The following MAN1A1 variants were observed in gnomAD, a reference collection of about 807,000 sequenced individuals.
MAN1A1 encodes the protein mannosyl-oligosaccharide 1,2-alpha-mannosidase IA.
MAN1A1 carries 29 observed loss-of-function variants against 70.8 expected under a neutral mutation model. The ratio of observed to expected loss-of-function variants is 0.41; its 90% CI spans 0.31 to 0.56. MAN1A1 has a LOEUF of 0.56. Among genes scored for constraint, MAN1A1 ranks in the 20% least tolerant of loss-of-function variants. The pLI, the probability that MAN1A1 is intolerant of heterozygous loss-of-function variation, is 0.29. For synonymous variants in MAN1A1, 349 were observed against 330.1 expected (o/e 1.06, Z -0.62); for missense variants, 747 against 841.3 (o/e 0.89, Z 1.39).
chr6:119,305,723 C>T (rs1772508600), intron 3 of MAN1A1, among the ~76,000 whole-genome samples: 1 of 152,154 alleles, frequency 6.6e-6, no homozygotes, highest in Admixed American at 6.5e-5. Flanking sequence ...CCACCTGGCG[C>T]ATTGATAAAT....
At chr6:119,326,112 T>C (rs1773140634) in intron 2 of MAN1A1, among the ~76,000 whole-genome samples, 1 of 152,158 alleles carries the variant, frequency 6.6e-6, no homozygotes, top group African/African-American at 2.4e-5. Context: ...TCAGGGGCCG[T>C]AGATAGGTGA....
At chr6:119,213,207 A>G (rs1023836505) in intron 6 of MAN1A1, among the ~76,000 whole-genome samples, 2 of 152,250 alleles carry the variant, frequency 1.3e-5, no homozygotes, top group Non-Finnish European at 2.9e-5. Context: ...TTATGAAAGA[A>G]GTAATGCACA....
chr6:119,232,761 T>C (rs1464749318), intron 6 of MAN1A1, among the ~76,000 whole-genome samples: 3 of 151,302 alleles, frequency 2.0e-5, no homozygotes, highest in Non-Finnish European at 2.9e-5. Context: ...TACAGAAGCA[T>C]AAGGCACTAA....
At chr6:119,289,640 G>T (rs1316430173) in intron 5 of MAN1A1, among the ~76,000 whole-genome samples, 5 of 151,866 alleles carry the variant, frequency 3.3e-5, no homozygotes, top group Non-Finnish European at 7.4e-5. Flanking sequence ...GAGAGATATA[G>T]ATGAATACAG....
chr6:119,210,878 A>T, intron 6 of MAN1A1: 1 of 455,698 alleles, frequency 2.2e-6, no homozygotes. Context: ...TGGGCCAATG[A>T]TATCCCACCT....
chr6:119,208,940 C>CA (rs764463527), intron 6 of MAN1A1, among the ~76,000 whole-genome samples: 2 of 151,772 alleles, frequency 1.3e-5, no homozygotes, highest in Non-Finnish European at 2.9e-5. Context: ...ACAAAAAATA[C>CA]AAAAATTAGC....
At position 119,349,292 on chromosome 6, in the gene MAN1A1, G is replaced by A; in HGVS notation, c.-222-5C>T. ...ACAGACCGCTGGCTGCAGCCCCTGC[G>A]GGGAGAGAAACAGTAAAACGTAGTA... On this transcript the variant is annotated splice_region_variant and splice_polypyrimidine_tract_variant and intron_variant, in intron 1 of 12. Transcript: ENST00000368468. 3.3e-6 allele frequency: 4 copies of A among 1,205,676 alleles called. No individual in the cohort carries two copies. Among genetic ancestry groups the A allele is most frequent in the Non-Finnish European group, 4.1e-6 (4 of 971,736 alleles). 74.7% of individuals were successfully genotyped at this position (1,205,676 alleles called of 1,614,324 possible).
intron 2 of MAN1A1, among the ~76,000 whole-genome samples, chr6:119,334,483 CT>C (rs1773402323): frequency 6.9e-6 from 1 of 145,842 alleles, no homozygotes; most frequent in Non-Finnish European, 1.5e-5. Flanking sequence ...CCAAAATGTT[CT>C]TCTGAAAATC....
intron 8 of MAN1A1, among the ~76,000 whole-genome samples, chr6:119,197,612 G>A (rs1773605285): frequency 6.6e-6 from 1 of 152,174 alleles, no homozygotes; most frequent in Non-Finnish European, 1.5e-5. Flanking sequence ...GATCCTGGAA[G>A]AAATGGCAAT....
chr6:119,199,001 A>G (rs1170748660), intron 8 of MAN1A1, among the ~76,000 whole-genome samples: 1 of 152,234 alleles, frequency 6.6e-6, no homozygotes, highest in Non-Finnish European at 1.5e-5. Context: ...TCTATCTTGT[A>G]CTTTACACAG....
chr6:119,271,131 G>A (rs1775912223), intron 5 of MAN1A1, among the ~76,000 whole-genome samples: 1 of 152,108 alleles, frequency 6.6e-6, no homozygotes, highest in Non-Finnish European at 1.5e-5. Flanking sequence ...ACATTTCACT[G>A]GAAGGAGTCA....
chr6:119,181,611 C>G (rs552487888), intron 11 of MAN1A1, among the ~76,000 whole-genome samples: 102 of 152,240 alleles, frequency 6.7e-4, no homozygotes, highest in Non-Finnish European at 1.2e-3. Flanking sequence ...TAGGTAACAA[C>G]CTAAACCAAC....
intron 6 of MAN1A1, among the ~76,000 whole-genome samples, chr6:119,221,429 T>C (rs1410031172): frequency 9.7e-6 from 1 of 102,666 alleles, no homozygotes; most frequent in East Asian, 4.4e-4. Context: ...TAAACACATA[T>C]TCTTGTTTTG....
chr6:119,204,288 T>C (rs978951309), intron 7 of MAN1A1, among the ~76,000 whole-genome samples: 4 of 152,138 alleles, frequency 2.6e-5, no homozygotes, highest in African/African-American at 9.7e-5. Flanking sequence ...GCAATTTTAC[T>C]GTAAAGGGAA....
chr6:119,187,662 T>G (rs943712694), intron 11 of MAN1A1, among the ~76,000 whole-genome samples: 1 of 152,084 alleles, frequency 6.6e-6, no homozygotes. Flanking sequence ...AGAATGAGAG[T>G]GTAATTAAAG....
chr6:119,338,222 G>A (rs1171666791), intron 2 of MAN1A1, among the ~76,000 whole-genome samples: 1 of 151,926 alleles, frequency 6.6e-6, no homozygotes, highest in Non-Finnish European at 1.5e-5. Flanking sequence ...AAATAGTTCT[G>A]GCGCTTGGCA....
chr6:119,260,352 C>A (rs949229622), intron 5 of MAN1A1, among the ~76,000 whole-genome samples: 3 of 152,152 alleles, frequency 2.0e-5, no homozygotes, highest in African/African-American at 7.2e-5. Context: ...TAAGGATACA[C>A]CAGAACTTAT....
chr6:119,319,291 T>C (rs1475428535), intron 2 of MAN1A1, among the ~76,000 whole-genome samples: 1 of 151,810 alleles, frequency 6.6e-6, no homozygotes, highest in Non-Finnish European at 1.5e-5. Flanking sequence ...TGCAAATGCA[T>C]TACTCTAACC....
intron 4 of MAN1A1, among the ~76,000 whole-genome samples, chr6:119,299,228 T>C (rs1034081545): frequency 4.6e-5 from 7 of 152,062 alleles, no homozygotes; most frequent in Non-Finnish European, 7.4e-5. Flanking sequence ...AATGTAATGA[T>C]TAGAAAAGTA....
Sources: allele counts gnomAD v4.1 joint callset (sites outside exome capture counted in the v4.1 genomes callset), GRCh38; gene constraint gnomAD v4.1.1; transcripts MANE v1.5; gene names NCBI Gene and HGNC (gene_info 2026-07-23, HGNC 2026-07-21).